EFCAB3: variants seen among roughly 807,000 people sequenced by gnomAD.
The protein encoded by EFCAB3 is EF-hand calcium-binding domain-containing protein 3.
In EFCAB3, 36 loss-of-function variants were observed where a neutral mutation model predicts 42.2. The observed-to-expected ratio is 0.85, with a 90% CI of 0.65 to 1.13. The LOEUF is 1.13. Ranked by LOEUF, EFCAB3 falls within the 50% of genes most tolerant of loss-of-function variation. EFCAB3 has a pLI of 0.00. For missense variants in EFCAB3, 418 were observed against 505.1 expected, an observed-to-expected ratio of 0.83 and a Z score of 1.65; for synonymous variants, 170 against 172.8, an observed-to-expected ratio of 0.98 and a Z score of 0.13.
At chr17:62,377,508 G>A (rs889489813), upstream of EFCAB3, among the ~76,000 whole-genome samples, 3 of 152,150 alleles carry the variant, frequency 2.0e-5, no homozygotes, top group African/African-American at 7.2e-5. Context: ...GCCATAGAAA[G>A]GGGTGGGGTG....
At chr17:62,390,492 T>C (rs1463143511) in intron 3 of EFCAB3, among the ~76,000 whole-genome samples, 4 of 152,210 alleles carry the variant, frequency 2.6e-5, no homozygotes, top group African/African-American at 9.7e-5. Flanking sequence ...TTTTCCATGG[T>C]ACATACCACC....
rs2070187875 is a variant in EFCAB3 at position 62,380,588 on chromosome 17, T to C, written c.-43T>C. 5.1e-6 allele frequency: 5 copies of C among 985,390 alleles called. No homozygotes were observed. The highest frequency in any genetic ancestry group is 6.0e-6 in the Non-Finnish European group (5 of 829,918). The allele number at this position is 985,390 out of a possible 1,614,324, so 61.0% of individuals were successfully genotyped here. The stretch of plus-strand genomic sequence containing the variant: ...TCCTGATCTGATTGAAGCCCAGAAG[T>C]GGTAGGTAGCACGGCTTAAAAGTAG... On this transcript the variant is annotated 5_prime_UTR_variant, in exon 1 of 10. Coordinates refer to ENST00000305286, the MANE Select transcript of EFCAB3 (RefSeq NM_173503.4).
intron 4 of EFCAB3, 51 bp downstream of exon 4, chr17:62,392,016 A>G: frequency 1.9e-6 from 3 of 1,544,462 alleles, no homozygotes; most frequent in Non-Finnish European, 2.6e-6. Context: ...TTTTGTGAAT[A>G]TATAGTTTTC....
chr17:62,381,571 C>G (rs2070199269), intron 1 of EFCAB3: 2 of 167,844 alleles, frequency 1.2e-5, no homozygotes, highest in Non-Finnish European at 2.6e-5. Context: ...ACCCCCATTC[C>G]TACTGTTAAC....
At chr17:62,407,364 T>G in intron 8 of EFCAB3, 152 bp downstream of exon 8, 1 of 654,664 alleles carries the variant, frequency 1.5e-6, no homozygotes, top group Non-Finnish European at 2.3e-6. Flanking sequence ...AGTCCAGGTA[T>G]TAACATTTCA....
Position 62,391,895 on chromosome 17 carries a change from T to C in EFCAB3, c.225T>C (p.Thr75=), listed in dbSNP as rs756389804. 1.9e-6 allele frequency: 3 copies of C among 1,613,800 alleles called. No homozygotes were observed. The Admixed American group carries it at 5.0e-5, about 27-fold the overall frequency. ...GCIDFHGLMC[T]VAKLGMNLTK... ...TTGATTTCCATGGACTGATGTGCACTGTAGCTAAGCTGGGAATGAATCTGA... is the reference window on the plus strand; with the variant it reads ...TTGATTTCCATGGACTGATGTGCACCGTAGCTAAGCTGGGAATGAATCTGA... The change falls in exon 4 of 10, where the codon ACT becomes ACC. Residue 75 remains threonine (T), a synonymous_variant. Transcript: ENST00000305286.
At chr17:62,401,348 CA>C (rs1169302512) in intron 6 of EFCAB3, among the ~76,000 whole-genome samples, 20 of 152,186 alleles carry the variant, frequency 1.3e-4, no homozygotes, top group African/African-American at 4.6e-4. Flanking sequence ...GTGTTTTAGA[CA>C]TGAAGTCCTT....
chr17:62,390,361 G>A (rs144084424), intron 3 of EFCAB3, among the ~76,000 whole-genome samples: 10 of 152,284 alleles, frequency 6.6e-5, no homozygotes, highest in Admixed American at 2.0e-4. Flanking sequence ...TATTTGCAGC[G>A]CAGAGAGAAA....
intron 2 of EFCAB3, among the ~76,000 whole-genome samples, chr17:62,374,634 A>G (rs918659617): frequency 2.2e-4 from 34 of 152,300 alleles, no homozygotes; most frequent in Admixed American, 2.2e-3. Context: ...AGATTTGAAC[A>G]TTATGCTGTG....
At chr17:62,392,888 C>T (rs573668092) in intron 4 of EFCAB3, among the ~76,000 whole-genome samples, 47 of 152,272 alleles carry the variant, frequency 3.1e-4, no homozygotes, top group African/African-American at 1.1e-3. Context: ...CCGCCCGCCT[C>T]GGCCTCCTAA....
intron 2 of EFCAB3, among the ~76,000 whole-genome samples, chr17:62,383,532 C>T (rs149098044): frequency 8.7e-4 from 133 of 152,192 alleles, no homozygotes; most frequent in African/African-American, 3.0e-3. Flanking sequence ...AATTAAAATA[C>T]TCTTCAAATA....
At chr17:62,388,165 C>T (rs546280917) in intron 3 of EFCAB3, among the ~76,000 whole-genome samples, 1 of 152,030 alleles carries the variant, frequency 6.6e-6, no homozygotes, top group South Asian at 2.1e-4. Context: ...AAGCCGAGAT[C>T]GCGCCACTGC....
intron 9 of EFCAB3, 137 bp from the exon 10 acceptor site, chr17:62,415,866 C>T (rs573539215): frequency 5.6e-6 from 4 of 720,260 alleles, no homozygotes; most frequent in East Asian, 2.7e-5. Flanking sequence ...CACGTCCTCA[C>T]GAGGCACCAC....
chr17:62,391,249 G>A (rs2070300475), intron 3 of EFCAB3, among the ~76,000 whole-genome samples: 1 of 152,102 alleles, frequency 6.6e-6, no homozygotes, highest in Admixed American at 6.5e-5. Flanking sequence ...TCCTGGAGGA[G>A]AATCTGCTCC....
chr17:62,388,587 G>T (rs1467768918), intron 3 of EFCAB3, among the ~76,000 whole-genome samples: 1 of 152,220 alleles, frequency 6.6e-6, no homozygotes, highest in Non-Finnish European at 1.5e-5. Context: ...AGACAGAAAT[G>T]AATCAAAGAA....
At chr17:62,383,624 AT>A (rs995698842) in intron 2 of EFCAB3, among the ~76,000 whole-genome samples, 9 of 152,202 alleles carry the variant, frequency 5.9e-5, no homozygotes, top group African/African-American at 2.2e-4. Context: ...AAAGATATAC[AT>A]CTTTTTTGAT....
intron 6 of EFCAB3, among the ~76,000 whole-genome samples, chr17:62,405,708 A>G (rs1459648786): frequency 6.6e-6 from 1 of 152,220 alleles, no homozygotes; most frequent in Non-Finnish European, 1.5e-5. Context: ...TATACTATGG[A>G]TCAGAGTCCT....
chr17:62,388,387 G>A (rs1051447197), intron 3 of EFCAB3, among the ~76,000 whole-genome samples: 3 of 152,176 alleles, frequency 2.0e-5, no homozygotes, highest in African/African-American at 7.2e-5. Context: ...AGTAAATCAG[G>A]CAAATAGCGC....
At chr17:62,396,485 G>A (rs112535180) in intron 6 of EFCAB3, among the ~76,000 whole-genome samples, 8,001 of 151,864 alleles carry the variant, frequency 0.053, 720 homozygotes, top group African/African-American at 0.18. Context: ...CCTGGGATGC[G>A]GAGGGTTGCA....
Sources: allele counts gnomAD v4.1 joint callset (sites outside exome capture counted in the v4.1 genomes callset), GRCh38; gene constraint gnomAD v4.1.1; transcripts MANE v1.5; gene names NCBI Gene and HGNC (gene_info 2026-07-23, HGNC 2026-07-21).